EDEM3: variants seen among roughly 807,000 people sequenced by gnomAD.
The protein encoded by EDEM3 is ER degradation-enhancing alpha-mannosidase-like protein 3.
In EDEM3, 60 loss-of-function variants were observed where a neutral mutation model predicts 110.2. The observed-to-expected ratio is 0.54, with a 90% CI of 0.44 to 0.67. EDEM3 has a LOEUF of 0.67. Ranked by LOEUF, EDEM3 falls within the 30% of genes least tolerant of loss-of-function variation. EDEM3 has a pLI of 0.00. For missense variants in EDEM3, 996 were observed against 1,121.0 expected (o/e 0.89, Z 1.59); for synonymous variants, 352 against 382.9 (o/e 0.92, Z 0.94).
In EDEM3 at chr1:184,732,966, C is replaced by A; in HGVS notation, c.483G>T (p.Leu161=). ...VLGGLLGGHS[L]AIMLKEKGEY... ...CACCTTTTTCTTTCAGCATGATTGC[C>A]AGGGAGTGCCCACCCAAAAGACCCC... Residue 161 remains leucine, a synonymous_variant, in exon 6 of 20, where the codon CTG becomes CTT. Transcript: ENST00000318130. 1 of 1,613,612 alleles carries A rather than the reference C, an allele frequency of 6.2e-7. No homozygotes were observed. Among genetic ancestry groups the A allele is most frequent in the Non-Finnish European group, 8.5e-7 (1 of 1,179,744 alleles).
chr1:184,697,369 T>C (rs1649386932), intron 19 of EDEM3, among the ~76,000 whole-genome samples: 2 of 151,848 alleles, frequency 1.3e-5, no homozygotes, highest in African/African-American at 4.8e-5. Context: ...TAGAACCAGA[T>C]ACAATTAATT....
chr1:184,734,208 C>T (rs1409692251), intron 5 of EDEM3, among the ~76,000 whole-genome samples: 1 of 134,176 alleles, frequency 7.5e-6, no homozygotes, highest in East Asian at 2.8e-4. Context: ...GTGGCTCACG[C>T]CTGTAATCCC....
chr1:184,710,340 C>T (rs528049707), intron 16 of EDEM3, 54 bp downstream of exon 16: 40 of 1,570,208 alleles, frequency 2.5e-5, no homozygotes, highest in Middle Eastern at 1.7e-4. Context: ...AAAGCTAATG[C>T]GACCAAAGAA....
At chr1:184,729,887 C>G (rs1244669780) in intron 6 of EDEM3, among the ~76,000 whole-genome samples, 1 of 152,138 alleles carries the variant, frequency 6.6e-6, no homozygotes, top group Non-Finnish European at 1.5e-5. Flanking sequence ...TCCTCAAAAT[C>G]TAACACCTCC....
chr1:184,730,619 G>A (rs1651458631), intron 6 of EDEM3, among the ~76,000 whole-genome samples: 1 of 152,138 alleles, frequency 6.6e-6, no homozygotes, highest in Non-Finnish European at 1.5e-5. Flanking sequence ...ATGTTTACCA[G>A]AGAGCTATTT....
chr1:184,737,098 T>C (rs1317393214), intron 3 of EDEM3, 34 bp from the exon 4 acceptor site: 1 of 1,561,696 alleles, frequency 6.4e-7, no homozygotes, highest in Non-Finnish European at 8.8e-7. Flanking sequence ...TATAAAACAT[T>C]AGAATCCTAA....
intron 7 of EDEM3, among the ~76,000 whole-genome samples, chr1:184,725,868 T>C (rs1651163548): frequency 6.6e-6 from 1 of 152,146 alleles, no homozygotes; most frequent in Admixed American, 6.6e-5. Context: ...CACTGTGTTT[T>C]AGAAGATTAG....
chr1:184,737,210 G>C, intron 3 of EDEM3, 146 bp from the exon 4 acceptor site: 1 of 668,162 alleles, frequency 1.5e-6, no homozygotes, highest in Non-Finnish European at 2.5e-6. Context: ...AACCTATAAG[G>C]CTCTGAAAGA....
chr1:184,740,412 T>C (rs1652071576), intron 2 of EDEM3, among the ~76,000 whole-genome samples: 1 of 152,222 alleles, frequency 6.6e-6, no homozygotes, highest in Admixed American at 6.5e-5. Flanking sequence ...GTTATCATGA[T>C]ATATTAACTG....
At chr1:184,731,951 T>A (rs1353310444) in intron 6 of EDEM3, among the ~76,000 whole-genome samples, 1 of 151,854 alleles carries the variant, frequency 6.6e-6, no homozygotes, top group Non-Finnish European at 1.5e-5. Flanking sequence ...CCGAGGCAGG[T>A]GGATCACAAG....
chr1:184,702,261 C>T (rs1184140353), intron 19 of EDEM3, among the ~76,000 whole-genome samples: 4 of 152,114 alleles, frequency 2.6e-5, no homozygotes, highest in African/African-American at 9.7e-5. Flanking sequence ...TTAAGACATG[C>T]TATCTTGTTT....
intron 13 of EDEM3, among the ~76,000 whole-genome samples, chr1:184,716,204 A>T (rs1274346111): frequency 6.6e-6 from 1 of 152,174 alleles, no homozygotes; most frequent in Non-Finnish European, 1.5e-5. Flanking sequence ...TTTAATCCTC[A>T]AAAACTAGTA....
Position 184,706,925 on chromosome 1 carries a change from C to A in EDEM3, c.2038-117G>T, listed in dbSNP as rs1037107482. 5.7e-6 allele frequency: 6 copies of A among 1,043,660 alleles called. No individual in the cohort carries two copies. The South Asian group carries it at 7.0e-5, about 12-fold the overall frequency. 64.6% of individuals were successfully genotyped at this position (1,043,660 alleles called of 1,614,324 possible). Reference sequence around the variant, plus strand: ...GAACTCATTTCTTTTCTAATGATAACGTATCTAACATATAGTCACCATAAA... The same window carrying A: ...GAACTCATTTCTTTTCTAATGATAAAGTATCTAACATATAGTCACCATAAA... On this transcript the variant is annotated intron_variant, in intron 17 of 19. Coordinates refer to ENST00000318130, the MANE Select transcript of EDEM3 (RefSeq NM_025191.4).
At chr1:184,696,054 T>C (rs1349066465) in intron 19 of EDEM3, among the ~76,000 whole-genome samples, 2 of 151,942 alleles carry the variant, frequency 1.3e-5, no homozygotes, top group African/African-American at 4.8e-5. Flanking sequence ...AATTTTCTTA[T>C]CTAAGGAAGC....
chr1:184,700,546 C>A (rs1320914700), intron 19 of EDEM3, among the ~76,000 whole-genome samples: 2 of 151,932 alleles, frequency 1.3e-5, no homozygotes, highest in African/African-American at 4.8e-5. Flanking sequence ...GAGGAAGCAG[C>A]TACAACACAA....
chr1:184,710,533 C>T lies in EDEM3; in HGVS notation c.1706G>A (p.Arg569Lys). 1 of 1,611,614 alleles carries T rather than the reference C, an allele frequency of 6.2e-7. No homozygotes were observed. Among genetic ancestry groups the T allele is most frequent in the Non-Finnish European group, 8.5e-7 (1 of 1,178,698 alleles). The part of the protein sequence containing the change: ...RGIIRVEESF[R>K]SGAKPPLRAR... ...TCTCAGAGGGGGTTTAGCTCCACTC[C>T]TGAAACTCTCCTCTCTGCTAAAAGT... is the stretch of plus-strand genomic sequence containing the variant. Residue 569 changes from arginine to lysine, a missense_variant, in exon 16 of 20, where the codon AGG becomes AAG. Physicochemically the swap from Arg to Lys is conservative, Grantham distance 26. Coordinates refer to ENST00000318130, the MANE Select transcript of EDEM3 (RefSeq NM_025191.4).
intron 1 of EDEM3, 148 bp downstream of exon 1, chr1:184,754,341 C>T (rs116726993): frequency 0.031 from 40,328 of 1,306,140 alleles, 722 homozygotes; most frequent in Non-Finnish European, 0.036. Context: ...CCTCCCCGGA[C>T]CCTGTCCACC....
At chr1:184,716,540 G>C (rs1230362766) in intron 13 of EDEM3, among the ~76,000 whole-genome samples, 1 of 151,890 alleles carries the variant, frequency 6.6e-6, no homozygotes, top group Non-Finnish European at 1.5e-5. Context: ...CCTCATCTTG[G>C]TAATTTCTAA....
chr1:184,717,694 A>C, intron 11 of EDEM3, 71 bp from the exon 12 acceptor site: 28 of 1,035,408 alleles, frequency 2.7e-5, no homozygotes, highest in Non-Finnish European at 3.5e-5. Flanking sequence ...AATATATAGA[A>C]TATATATAAA....
Sources: allele counts gnomAD v4.1 joint callset (sites outside exome capture counted in the v4.1 genomes callset), GRCh38; gene constraint gnomAD v4.1.1; transcripts MANE v1.5; gene names NCBI Gene and HGNC (gene_info 2026-07-23, HGNC 2026-07-21).